Variants in NKTR observed in about 807,000 individuals in gnomAD.
NKTR encodes the protein NK-tumor recognition protein.
A neutral mutation model predicts 156.3 loss-of-function variants in NKTR; 67 were observed. The ratio of observed to expected loss-of-function variants is 0.43; its 90% confidence interval spans 0.35 to 0.53. NKTR has a LOEUF of 0.53. NKTR is among the 20% of genes least tolerant of loss of function. NKTR has a pLI of 0.01. For synonymous variants in NKTR, 640 were observed against 596.6 expected (o/e 1.07, Z -1.06); for missense variants, 1,604 against 1,730.9 (o/e 0.93, Z 1.30).
intron 9 of NKTR, 108 bp downstream of exon 9, chr3:42,632,931 ATAGCACTTTTTAAAC>A: frequency 1.5e-6 from 2 of 1,323,010 alleles, no homozygotes; most frequent in African/African-American, 1.5e-5. Flanking sequence ...TTGAAAAAGG[ATAGCACTTTTTAAAC>A]TTTAAATTGA....
intron 9 of NKTR, 129 bp downstream of exon 9, chr3:42,632,952 A>G: frequency 1.5e-6 from 2 of 1,322,080 alleles, no homozygotes; most frequent in Non-Finnish European, 1.9e-6. Flanking sequence ...TAAACTTTAA[A>G]TTGAAATCTG....
At chr3:42,604,990 G>A (rs918803561) in intron 2 of NKTR, among the ~76,000 whole-genome samples, 4 of 151,872 alleles carry the variant, frequency 2.6e-5, no homozygotes, top group Non-Finnish European at 4.4e-5. Context: ...ATGCCCGGCC[G>A]TATTTCTCTT....
chr3:42,623,551 A>G (rs1708110361), intron 6 of NKTR, among the ~76,000 whole-genome samples: 1 of 152,168 alleles, frequency 6.6e-6, no homozygotes, highest in South Asian at 2.1e-4. Flanking sequence ...ATATCCTTGC[A>G]TTTATGGGAA....
In NKTR at chr3:42,600,988, T is replaced by TG. The variant is rs1166686710; in HGVS notation, c.-18dup. 6.4e-7 allele frequency: 1 copy of TG among 1,551,294 alleles called. No individual in the cohort carries two copies. The highest frequency in any genetic ancestry group is 8.7e-7 in the Non-Finnish European group (1 of 1,150,562). On this transcript the variant is annotated 5_prime_UTR_variant, in exon 2 of 17. Coordinates refer to ENST00000232978, the MANE Select transcript of NKTR (RefSeq NM_005385.4). The stretch of plus-strand genomic sequence containing the variant: ...TTTTCTCCCCCTCTCTCCCAGCTCT[T>TG]GCCGCCACCTCGGTCGCGATGGGGG...
chr3:42,606,642 C>T (rs1177977391), intron 2 of NKTR, among the ~76,000 whole-genome samples: 6 of 152,136 alleles, frequency 3.9e-5, no homozygotes, highest in East Asian at 1.9e-4. Flanking sequence ...TTTTATTAAA[C>T]ACCAATTAAT....
At chr3:42,614,463 G>A (rs1707156772) in intron 2 of NKTR, among the ~76,000 whole-genome samples, 1 of 150,138 alleles carries the variant, frequency 6.7e-6, no homozygotes, top group Non-Finnish European at 1.5e-5. Flanking sequence ...CATACCTTTA[G>A]AATATTGTCT....
intron 3 of NKTR, among the ~76,000 whole-genome samples, chr3:42,618,470 G>C (rs1481834200): frequency 6.6e-6 from 1 of 151,990 alleles, no homozygotes; most frequent in African/African-American, 2.4e-5. Context: ...GACGGAGTCT[G>C]ACTCTTGTCT....
At chr3:42,607,064 AATG>A (rs1393122064) in intron 2 of NKTR, among the ~76,000 whole-genome samples, 1 of 152,198 alleles carries the variant, frequency 6.6e-6, no homozygotes, top group Non-Finnish European at 1.5e-5. Flanking sequence ...AGTTAGGCTA[AATG>A]ATAAGATTGG....
chr3:42,608,257 A>G (rs963733445), intron 2 of NKTR, among the ~76,000 whole-genome samples: 1 of 151,872 alleles, frequency 6.6e-6, no homozygotes, highest in African/African-American at 2.4e-5. Flanking sequence ...TCCGTGAGCC[A>G]CTGCGCCTGG....
chr3:42,630,300 A>C, intron 6 of NKTR: 1 of 1,257,568 alleles, frequency 8.0e-7, no homozygotes, highest in Non-Finnish European at 1.0e-6. Flanking sequence ...TTTCATATGT[A>C]TGCATACATA....
At chr3:42,620,322 G>A in intron 5 of NKTR, 1 of 1,165,006 alleles carries the variant, frequency 8.6e-7, no homozygotes, top group Non-Finnish European at 1.1e-6. Context: ...TTTTTCAAAG[G>A]TTTGTATGTT....
intron 2 of NKTR, among the ~76,000 whole-genome samples, chr3:42,607,494 T>C (rs907142125): frequency 6.6e-6 from 1 of 152,074 alleles, no homozygotes; most frequent in Non-Finnish European, 1.5e-5. Context: ...ACTGACATGC[T>C]TTCTAATGGG....
At chr3:42,619,385 C>G in intron 4 of NKTR, 3 of 1,184,584 alleles carry the variant, frequency 2.5e-6, no homozygotes, top group Non-Finnish European at 3.3e-6. Context: ...CAATGAATGC[C>G]AAAGTACTGT....
intron 6 of NKTR, chr3:42,629,778 A>G: frequency 1.0e-6 from 1 of 985,450 alleles, no homozygotes; most frequent in Non-Finnish European, 1.2e-6. Context: ...TGGGTTCAAA[A>G]TATCTTAACC....
At chr3:42,611,869 A>AT (rs1706855207) in intron 2 of NKTR, among the ~76,000 whole-genome samples, 1 of 152,046 alleles carries the variant, frequency 6.6e-6, no homozygotes, top group African/African-American at 2.4e-5. Flanking sequence ...GTTTTTATTG[A>AT]TTCTCCACTG....
intron 2 of NKTR, among the ~76,000 whole-genome samples, chr3:42,611,917 A>T (rs577728755): frequency 9.2e-5 from 14 of 152,026 alleles, no homozygotes; most frequent in Non-Finnish European, 2.1e-4. Context: ...CCTGGGCAAC[A>T]TAGTGAGACC....
Position 42,639,244 on chromosome 3 carries a change from C to T in NKTR, c.3540C>T (p.Ser1180=). 1.2e-6 allele frequency: 2 copies of T among 1,614,190 alleles called. No individual in the cohort carries two copies. The highest frequency in any genetic ancestry group is 8.5e-7 in the Non-Finnish European group (1 of 1,180,034). The change falls in exon 13 of 17, where the codon AGC becomes AGT. Residue 1180 remains serine, a synonymous_variant. Transcript: ENST00000232978. ...AAGCAGAGGTAGTAAAACAGGAAAG[C>T]AGCATGTCCGAAAGTAAAGTGTTGG... is the stretch of plus-strand genomic sequence containing the variant. ...HPQAEVVKQE[S]SMSESKVLGE... is the part of the protein sequence containing the mutation.
chr3:42,641,842 C>T (rs908699603), intron 13 of NKTR, among the ~76,000 whole-genome samples: 54 of 150,438 alleles, frequency 3.6e-4, no homozygotes, highest in Non-Finnish European at 4.4e-5. Context: ...CGCGCCACTG[C>T]ACTCCAGCCT....
chr3:42,619,682 A>G lies in NKTR; in HGVS notation c.260A>G (p.Glu87Gly). The change falls in exon 5 of 17, where the codon GAA becomes GGA. Residue 87 changes from glutamate to glycine, a missense_variant. This residue lies in a region of NKTR where 61 missense variants were observed against 113.3 expected (regional missense o/e 0.54). Transcript: ENST00000232978. The stretch of plus-strand genomic sequence containing the variant: ...TTTGCAGGTAATGGAAAAGGTGGAG[A>G]ATCAATTTATGGTGGATATTTTAAA... ...DFSEGNGKGG[E>G]SIYGGYFKDE... 1 of 1,609,842 alleles carries G rather than the reference A, an allele frequency of 6.2e-7. No individual in the cohort carries two copies. The highest frequency in any genetic ancestry group is 1.1e-5 in the South Asian group (1 of 90,886).
Sources: gnomAD v4.1 joint callset for allele counts (sites outside exome capture counted in the v4.1 genomes callset) on GRCh38, gnomAD v4.1.1 for gene constraint, gnomAD v4.1.1 regional missense constraint, MANE v1.5 for transcripts, NCBI Gene and HGNC (gene_info 2026-07-23, HGNC 2026-07-21) for gene names.